LARP4: variants seen among roughly 807,000 people sequenced by gnomAD.
LARP4 encodes la-related protein 4.
LARP4 carries 29 observed loss-of-function variants against 92.9 expected under a neutral mutation model. The ratio of observed to expected loss-of-function variants is 0.31; its 90% CI spans 0.23 to 0.43. LARP4 has a LOEUF of 0.43. Among genes scored for constraint, LARP4 ranks in the 20% least tolerant of loss-of-function variants. LARP4 has a pLI of 1.00. For synonymous variants in LARP4, 279 were observed against 284.1 expected (o/e 0.98, Z 0.18); for missense variants, 732 against 860.0 (o/e 0.85, Z 1.86).
intron 12 of LARP4, 37 bp downstream of exon 12, chr12:50,462,667 C>T: frequency 7.4e-7 from 1 of 1,353,664 alleles, no homozygotes; most frequent in Admixed American, 1.9e-5. Flanking sequence ...ACTTTTTTCT[C>T]TTCTGTGATT....
At position 50,441,595 on chromosome 12, in the gene LARP4, T is replaced by C; in HGVS notation, c.756T>C (p.Phe252=). 4 of 1,594,846 alleles carry C rather than the reference T, an allele frequency of 2.5e-6. No individual in the cohort carries two copies. The South Asian group carries it at 4.5e-5, about 18-fold the overall frequency. Residue 252 remains phenylalanine (F), a synonymous_variant, in exon 8 of 16, where the codon TTT becomes TTC. Coordinates refer to ENST00000398473, the MANE Select transcript of LARP4 (RefSeq NM_052879.5). ...TTTTTGTGCTTTGTTAACAGGCTTT[T>C]AAATACTTAAGAGAAGAAGTTAAAA... ...FQSDTDAQQA[F]KYLREEVKTF...
In LARP4 at chr12:50,444,953, A is replaced by T. The variant is rs552579373; in HGVS notation, c.804+3310A>T. On this transcript the variant is annotated intron_variant, in intron 8 of 15. Transcript: ENST00000398473. Reference sequence around the variant, plus strand: ...GAGACAGTGTCTTGCTTTATCACCCAGGCTGGAGTGCAGTGGTACAATCTC... The same window carrying T: ...GAGACAGTGTCTTGCTTTATCACCCTGGCTGGAGTGCAGTGGTACAATCTC... Among the ~76,000 whole-genome samples, 45 of 152,188 alleles carry T rather than the reference A, an allele frequency of 3.0e-4. 1 individual carries two copies. Among genetic ancestry groups the T allele is most frequent in the Non-Finnish European group, 5.7e-4 (39 of 68,028 alleles).
At chr12:50,401,122 A>T in intron 1 of LARP4, 94 bp downstream of exon 1, 1 of 1,438,990 alleles carries the variant, frequency 6.9e-7, no homozygotes, top group Non-Finnish European at 9.8e-7. Flanking sequence ...TCCGGGCCGT[A>T]CACGCCGCGG....
At chr12:50,413,574 A>G (rs1946274514) in intron 1 of LARP4, among the ~76,000 whole-genome samples, 1 of 152,198 alleles carries the variant, frequency 6.6e-6, no homozygotes, top group African/African-American at 2.4e-5. Context: ...AAATATTTAT[A>G]CAAATCTAGA....
At chr12:50,451,094 G>A (rs976558767) in intron 8 of LARP4, among the ~76,000 whole-genome samples, 4 of 152,030 alleles carry the variant, frequency 2.6e-5, no homozygotes, top group African/African-American at 9.7e-5. Context: ...TTTTGGTATT[G>A]CAAACATTTA....
chr12:50,446,141 T>G (rs554333367), intron 8 of LARP4, among the ~76,000 whole-genome samples: 46 of 151,010 alleles, frequency 3.0e-4, no homozygotes, highest in African/African-American at 1.1e-3. Flanking sequence ...TAGCTGGGAC[T>G]ACAGGCGCCT....
At chr12:50,453,017 C>G (rs1292086938) in intron 8 of LARP4, among the ~76,000 whole-genome samples, 1 of 151,750 alleles carries the variant, frequency 6.6e-6, no homozygotes, top group Non-Finnish European at 1.5e-5. Flanking sequence ...TCAAGCAGTC[C>G]TCCCCACTCT....
chr12:50,420,259 G>T (rs763182370), intron 1 of LARP4, among the ~76,000 whole-genome samples: 1 of 152,168 alleles, frequency 6.6e-6, no homozygotes, highest in East Asian at 1.9e-4. Context: ...GAAACAGCTT[G>T]AGAAAAATCA....
At chr12:50,406,504 TTTA>T (rs1435947308) in intron 1 of LARP4, among the ~76,000 whole-genome samples, 1 of 151,928 alleles carries the variant, frequency 6.6e-6, no homozygotes, top group East Asian at 1.9e-4. Context: ...AAATTATTAT[TTTA>T]TTATTTTTTA....
At chr12:50,412,115 T>C (rs980600993) in intron 1 of LARP4, among the ~76,000 whole-genome samples, 1 of 152,206 alleles carries the variant, frequency 6.6e-6, no homozygotes, top group Non-Finnish European at 1.5e-5. Context: ...TTAACTGAGA[T>C]TGTTATGAAG....
intron 1 of LARP4, among the ~76,000 whole-genome samples, chr12:50,419,792 C>T (rs1394397706): frequency 2.6e-5 from 4 of 152,066 alleles, no homozygotes; most frequent in Non-Finnish European, 4.4e-5. Flanking sequence ...GTAGTCCTAG[C>T]TGGTCACCAG....
At chr12:50,472,666 C>T (rs1957059545) in intron 13 of LARP4, among the ~76,000 whole-genome samples, 1 of 151,954 alleles carries the variant, frequency 6.6e-6, no homozygotes, top group Non-Finnish European at 1.5e-5. Context: ...ACACCCCCCA[C>T]CCTAGCTAAA....
intron 11 of LARP4, 100 bp downstream of exon 11, chr12:50,461,447 T>C: frequency 8.9e-7 from 1 of 1,127,782 alleles, no homozygotes; most frequent in South Asian, 1.4e-5. Flanking sequence ...CATTTAATTA[T>C]TGGTATATGG....
chr12:50,409,199 A>G (rs1312709007), intron 1 of LARP4, among the ~76,000 whole-genome samples: 2 of 152,168 alleles, frequency 1.3e-5, no homozygotes, highest in African/African-American at 2.4e-5. Flanking sequence ...GAAGAAAACA[A>G]TGTCTAGAAA....
intron 1 of LARP4, among the ~76,000 whole-genome samples, chr12:50,422,818 T>C (rs925318997): frequency 1.5e-4 from 21 of 144,728 alleles, no homozygotes; most frequent in African/African-American, 5.2e-4. Flanking sequence ...TTATTATTAT[T>C]ATTATTATTA....
chr12:50,474,235 T>G, intron 15 of LARP4, 68 bp downstream of exon 15: 1 of 1,202,382 alleles, frequency 8.3e-7, no homozygotes, highest in East Asian at 2.4e-5. Context: ...TTTTTTCACG[T>G]AACACTTTGT....
At chr12:50,466,097 G>A (rs564786777) in intron 12 of LARP4, among the ~76,000 whole-genome samples, 1 of 152,312 alleles carries the variant, frequency 6.6e-6, no homozygotes, top group East Asian at 1.9e-4. Flanking sequence ...GTCAGGAAAT[G>A]AGAGGTCAGG....
At position 50,400,924 on chromosome 12, in the gene LARP4, G is replaced by T; in HGVS notation, c.-87G>T. ...CCGGGTGGAGGGGCAAGGCGAGTGT[G>T]TGTCCTTATCCTAGCAATTGGGGCG... On this transcript the variant is annotated 5_prime_UTR_variant, in exon 1 of 16. Coordinates refer to ENST00000398473, the MANE Select transcript of LARP4 (RefSeq NM_052879.5). 1.3e-6 allele frequency: 2 copies of T among 1,576,720 alleles called. No individual in the cohort carries two copies. Among genetic ancestry groups the T allele is most frequent in the East Asian group, 4.5e-5 (2 of 44,710 alleles).
intron 13 of LARP4, among the ~76,000 whole-genome samples, chr12:50,468,455 G>A (rs1006287411): frequency 2.0e-5 from 3 of 151,140 alleles, no homozygotes; most frequent in African/African-American, 7.3e-5. Context: ...CACTACGCCC[G>A]GCTAATTTTT....
Sources: allele counts gnomAD v4.1 joint callset (sites outside exome capture counted in the v4.1 genomes callset), GRCh38; gene constraint gnomAD v4.1.1; transcripts MANE v1.5; gene names NCBI Gene and HGNC (gene_info 2026-07-23, HGNC 2026-07-21).